The following HPSE2 variants were observed in gnomAD, a reference collection of about 807,000 sequenced individuals.
The protein encoded by HPSE2 is inactive heparanase-2.
A neutral mutation model predicts 60.5 loss-of-function variants in HPSE2; 38 were observed. That is an observed-to-expected ratio of 0.63 (90% CI 0.48 to 0.82). The LOEUF is 0.82. Among genes scored for constraint, HPSE2 ranks in the 40% least tolerant of loss-of-function variants. The pLI, the probability that HPSE2 is intolerant of heterozygous loss-of-function variation, is 0.00. For synonymous variants in HPSE2, 295 were observed against 293.2 expected, an observed-to-expected ratio of 1.01 and a Z score of -0.06; for missense variants, 713 against 740.4, an observed-to-expected ratio of 0.96 and a Z score of 0.43.
intron 5 of HPSE2, among the ~76,000 whole-genome samples, chr10:98,716,719 G>C (rs1008702531): frequency 6.6e-6 from 1 of 152,066 alleles, no homozygotes; most frequent in Non-Finnish European, 1.5e-5. Flanking sequence ...GAGTTAGCAG[G>C]CTTAAAAAAT....
At chr10:98,859,943 TTATAA>T (rs1952413314) in intron 3 of HPSE2, among the ~76,000 whole-genome samples, 1 of 152,186 alleles carries the variant, frequency 6.6e-6, no homozygotes. Flanking sequence ...ATGCCTATGA[TTATAA>T]TATATTGTTA....
At chr10:99,220,218 G>T (rs771035980) in intron 2 of HPSE2, among the ~76,000 whole-genome samples, 1 of 151,864 alleles carries the variant, frequency 6.6e-6, no homozygotes, top group Non-Finnish European at 1.5e-5. Flanking sequence ...TACAGGGAAA[G>T]AATTAATTTA....
chr10:98,547,830 C>T (rs1366474474), intron 9 of HPSE2, among the ~76,000 whole-genome samples: 1 of 150,876 alleles, frequency 6.6e-6, no homozygotes, highest in African/African-American at 2.5e-5. Context: ...GAATAGAACA[C>T]AAACACACAC....
intron 3 of HPSE2, among the ~76,000 whole-genome samples, chr10:99,118,772 T>C (rs911971467): frequency 1.3e-5 from 2 of 151,820 alleles, no homozygotes; most frequent in Non-Finnish European, 2.9e-5. Context: ...ATCTCAGCAC[T>C]TTGGGAGGCT....
chr10:98,506,939 T>G (rs1239417300), intron 9 of HPSE2, among the ~76,000 whole-genome samples: 1 of 152,230 alleles, frequency 6.6e-6, no homozygotes, highest in African/African-American at 2.4e-5. Context: ...AATTCAAGGA[T>G]AGTGTAACCA....
intron 3 of HPSE2, chr10:99,048,366 GA>G (rs879182137): frequency 0.049 from 8,612 of 175,762 alleles, 1 homozygote; most frequent in South Asian, 0.11. Flanking sequence ...CTCTCAAACT[GA>G]AAAAAAAAAA....
intron 3 of HPSE2, among the ~76,000 whole-genome samples, chr10:99,105,490 C>T (rs1400322686): frequency 1.5e-4 from 22 of 144,650 alleles, no homozygotes; most frequent in South Asian, 2.2e-4. Flanking sequence ...TTTTTATAAT[C>T]GAGTTGTAAG....
chr10:98,882,443 C>T (rs1953049708), intron 3 of HPSE2, among the ~76,000 whole-genome samples: 1 of 151,782 alleles, frequency 6.6e-6, no homozygotes, highest in African/African-American at 2.4e-5. Context: ...CTGGATATGG[C>T]TGAAATAGGC....
chr10:98,990,582 G>A (rs758764450), intron 3 of HPSE2, among the ~76,000 whole-genome samples: 5 of 152,178 alleles, frequency 3.3e-5, no homozygotes, highest in South Asian at 2.1e-4. Context: ...TGGAGGTTGG[G>A]GACCCGTGTG....
At chr10:98,759,164 A>G (rs536485016) in intron 3 of HPSE2, among the ~76,000 whole-genome samples, 29 of 136,300 alleles carry the variant, frequency 2.1e-4, no homozygotes, top group South Asian at 5.5e-4. Flanking sequence ...GAAGGGAAAA[A>G]TAGATACCAG....
At chr10:99,096,449 C>CTGAGGTCCAAGGT (rs1843720628) in intron 3 of HPSE2, among the ~76,000 whole-genome samples, 1 of 152,106 alleles carries the variant, frequency 6.6e-6, no homozygotes, top group East Asian at 1.9e-4. Flanking sequence ...GATAAGAAAA[C>CTGAGGTCCAAGGT]TGAGGTCCAA....
intron 3 of HPSE2, among the ~76,000 whole-genome samples, chr10:98,828,722 G>C (rs1951611515): frequency 6.6e-6 from 1 of 152,206 alleles, no homozygotes. Flanking sequence ...GTGTCGGCTG[G>C]TAAGAGTGGA....
At chr10:98,849,933 G>A (rs542310229) in intron 3 of HPSE2, among the ~76,000 whole-genome samples, 18 of 152,154 alleles carry the variant, frequency 1.2e-4, no homozygotes, top group South Asian at 4.2e-4. Flanking sequence ...TAGTAGAGAC[G>A]GGGTTTCTCC....
At chr10:98,470,173 GT>G (rs1036283630) in intron 11 of HPSE2, among the ~76,000 whole-genome samples, 1 of 151,986 alleles carries the variant, frequency 6.6e-6, no homozygotes, top group Non-Finnish European at 1.5e-5. Flanking sequence ...GTTTAGTTAT[GT>G]TTAACACACA....
At chr10:98,697,498 T>A (rs1948258607) in intron 5 of HPSE2, among the ~76,000 whole-genome samples, 1 of 152,104 alleles carries the variant, frequency 6.6e-6, no homozygotes, top group African/African-American at 2.4e-5. Context: ...CTGGGAAATA[T>A]GGGACTATGT....
chr10:99,110,631 A>C (rs978331073), intron 3 of HPSE2, among the ~76,000 whole-genome samples: 1 of 152,196 alleles, frequency 6.6e-6, no homozygotes, highest in African/African-American at 2.4e-5. Flanking sequence ...TATTATACTT[A>C]AATCCTAACG....
intron 2 of HPSE2, among the ~76,000 whole-genome samples, chr10:99,228,596 G>A (rs1477940941): frequency 1.3e-5 from 2 of 152,136 alleles, no homozygotes; most frequent in African/African-American, 4.8e-5. Context: ...CAAAAAGGAA[G>A]TTAGGCAACA....
intron 6 of HPSE2, 45 bp from the exon 7 acceptor site, chr10:98,641,985 G>A (rs752654575): frequency 6.6e-7 from 1 of 1,516,894 alleles, no homozygotes; most frequent in Non-Finnish European, 9.1e-7. Flanking sequence ...CTCAAGCAAG[G>A]GATTATAAAT....
At chr10:98,815,546 C>A (rs1005312552) in intron 3 of HPSE2, among the ~76,000 whole-genome samples, 2 of 152,098 alleles carry the variant, frequency 1.3e-5, no homozygotes, top group African/African-American at 4.8e-5. Flanking sequence ...GGAGGATATG[C>A]CCTGGTAAAT....
Sources: allele counts gnomAD v4.1 joint callset (sites outside exome capture counted in the v4.1 genomes callset), GRCh38; gene constraint gnomAD v4.1.1; transcripts MANE v1.5; gene names NCBI Gene and HGNC (gene_info 2026-07-23, HGNC 2026-07-21).